Variants in SHC3 observed in about 807,000 individuals in gnomAD.
The protein encoded by SHC3 is SHC adaptor protein 3, also known as SHC-transforming protein 3.
A neutral mutation model predicts 60.4 loss-of-function variants in SHC3; 15 were observed. The observed-to-expected ratio is 0.25, with a 90% CI of 0.17 to 0.38. The LOEUF (loss-of-function observed/expected upper bound fraction) is 0.38. SHC3 is among the 10% of genes least tolerant of loss of function. The pLI is 1.00. For synonymous variants in SHC3, 294 were observed against 325.9 expected (o/e 0.90, Z 1.05); for missense variants, 677 against 786.1 (o/e 0.86, Z 1.66).
intron 1 of SHC3, among the ~76,000 whole-genome samples, chr9:89,164,835 G>A (rs1826762521): frequency 6.6e-6 from 1 of 152,068 alleles, no homozygotes; most frequent in African/African-American, 2.4e-5. Flanking sequence ...GAATACAGAA[G>A]AGCTCACTTT....
intron 2 of SHC3, among the ~76,000 whole-genome samples, chr9:89,089,299 A>C (rs968614840): frequency 5.3e-5 from 8 of 152,238 alleles, no homozygotes; most frequent in South Asian, 2.1e-4. Context: ...AAACCTTAGA[A>C]AGGACCTGAG....
At chr9:89,036,745 T>C (rs1824584910) in intron 11 of SHC3, among the ~76,000 whole-genome samples, 1 of 152,174 alleles carries the variant, frequency 6.6e-6, no homozygotes, top group Non-Finnish European at 1.5e-5. Context: ...ACTTCTTTTT[T>C]CTTTTTTTGA....
chr9:89,068,675 AAAT>A (rs1302476695), intron 5 of SHC3, among the ~76,000 whole-genome samples: 1 of 151,918 alleles, frequency 6.6e-6, no homozygotes, highest in Non-Finnish European at 1.5e-5. Context: ...TTTTAAAAAA[AAAT>A]AAGATGTGAT....
At chr9:89,018,612 A>C (rs1366972661) in intron 11 of SHC3, among the ~76,000 whole-genome samples, 1 of 152,104 alleles carries the variant, frequency 6.6e-6, no homozygotes, top group Non-Finnish European at 1.5e-5. Context: ...TTCTGCACAG[A>C]TATCCCAGAA....
At chr9:89,156,336 G>A (rs953499037) in intron 1 of SHC3, among the ~76,000 whole-genome samples, 8 of 152,104 alleles carry the variant, frequency 5.3e-5, no homozygotes, top group African/African-American at 1.7e-4. Flanking sequence ...ACCTTCGGAC[G>A]ATTACAGTCC....
At chr9:89,161,352 C>A (rs1826703424) in intron 1 of SHC3, among the ~76,000 whole-genome samples, 1 of 152,188 alleles carries the variant, frequency 6.6e-6, no homozygotes, top group South Asian at 2.1e-4. Flanking sequence ...CATGTGCCTA[C>A]TCCCCACGTC....
chr9:89,026,222 C>A (rs1409414991), intron 11 of SHC3, among the ~76,000 whole-genome samples: 1 of 139,096 alleles, frequency 7.2e-6, no homozygotes, highest in Non-Finnish European at 1.5e-5. Context: ...CCACTGTACT[C>A]TAGCCTGGGT....
intron 1 of SHC3, among the ~76,000 whole-genome samples, chr9:89,144,105 G>T (rs1193648325): frequency 1.3e-5 from 2 of 152,170 alleles, no homozygotes; most frequent in East Asian, 3.9e-4. Context: ...ATGAACCTGA[G>T]AAATGGTAGG....
intron 1 of SHC3, among the ~76,000 whole-genome samples, chr9:89,130,305 C>A (rs1353117696): frequency 6.6e-6 from 1 of 152,140 alleles, no homozygotes; most frequent in Non-Finnish European, 1.5e-5. Context: ...GACTCCCACA[C>A]AATAATAATG....
At chr9:89,096,024 T>G (rs1354449823) in intron 2 of SHC3, among the ~76,000 whole-genome samples, 2 of 152,154 alleles carry the variant, frequency 1.3e-5, no homozygotes, top group African/African-American at 4.8e-5. Context: ...TGGCCACATG[T>G]CAGAAAGTGC....
chr9:89,120,463 A>AT (rs1826076964), intron 1 of SHC3, among the ~76,000 whole-genome samples: 2 of 152,220 alleles, frequency 1.3e-5, no homozygotes, highest in Non-Finnish European at 2.9e-5. Flanking sequence ...ATCTGTAAAG[A>AT]CTAGTAATCT....
chr9:89,027,306 C>T (rs1038942682), intron 11 of SHC3, among the ~76,000 whole-genome samples: 4 of 147,298 alleles, frequency 2.7e-5, no homozygotes, highest in African/African-American at 1.0e-4. Flanking sequence ...CAGTAGACAA[C>T]TAGTGATGGG....
At chr9:89,091,167 A>G (rs1490508515) in intron 2 of SHC3, among the ~76,000 whole-genome samples, 1 of 152,270 alleles carries the variant, frequency 6.6e-6, no homozygotes, top group African/African-American at 2.4e-5. Flanking sequence ...GCACTGAACA[A>G]TATGTTAGAG....
chr9:89,122,686 G>A (rs1030921970), intron 1 of SHC3, among the ~76,000 whole-genome samples: 2 of 152,160 alleles, frequency 1.3e-5, no homozygotes, highest in Admixed American at 1.3e-4. Flanking sequence ...CATGGGAAAG[G>A]GCCACCTAAG....
chr9:89,158,408 T>G (rs2118234819), intron 1 of SHC3, among the ~76,000 whole-genome samples: 1 of 152,280 alleles, frequency 6.6e-6, no homozygotes, highest in South Asian at 2.1e-4. Context: ...TTCTTTTAAA[T>G]TTGGTTAGAT....
chr9:89,026,254 CAAAAAAAAAA>C lies in SHC3; in HGVS notation c.1656+11729_1656+11738del, dbSNP rs67891062. ...GGGTGACAAGAGTGAAACTACATCTCAAAAAAAAAAAAAAAAAAAACAAGAAAAGAAAAAG... is the reference window on the plus strand; with the variant it reads ...GGGTGACAAGAGTGAAACTACATCTCAAAAAAAAAACAAGAAAAGAAAAAG... On this transcript the variant is annotated intron_variant, in intron 11 of 11. Coordinates refer to ENST00000375835, the MANE Select transcript of SHC3 (RefSeq NM_016848.6). Among the ~76,000 whole-genome samples the C allele has an allele frequency of 2.9e-5, 3 of 102,154 alleles. No homozygotes were observed. In the South Asian group the frequency reaches 1.1e-3, roughly 36 times the overall value. The allele number at this position is 102,154 out of a possible 152,430, so 67.0% of individuals were successfully genotyped here.
chr9:89,139,850 G>T (rs958398910), intron 1 of SHC3, among the ~76,000 whole-genome samples: 1 of 152,148 alleles, frequency 6.6e-6, no homozygotes, highest in African/African-American at 2.4e-5. Flanking sequence ...TAGGGAGCAT[G>T]GCTCTCCATA....
chr9:89,092,175 TGCA>T (rs1337456876), intron 2 of SHC3, among the ~76,000 whole-genome samples: 1 of 152,252 alleles, frequency 6.6e-6, no homozygotes, highest in Non-Finnish European at 1.5e-5. Flanking sequence ...AGGAGTCATC[TGCA>T]GCGGCCCACC....
chr9:89,159,745 T>C (rs1424873252), intron 1 of SHC3, among the ~76,000 whole-genome samples: 1 of 152,196 alleles, frequency 6.6e-6, no homozygotes, highest in African/African-American at 2.4e-5. Context: ...AGGAGAAAGA[T>C]GTAGGCTTGG....
Sources: allele counts gnomAD v4.1 joint callset (sites outside exome capture counted in the v4.1 genomes callset), GRCh38; gene constraint gnomAD v4.1.1; transcripts MANE v1.5; gene names NCBI Gene and HGNC (gene_info 2026-07-23, HGNC 2026-07-21).